Variants in SCP2 observed in about 807,000 individuals in gnomAD.
SCP2 encodes the protein sterol carrier protein 2, also known as SCP-2/3-oxoacyl-CoA thiolase.
SCP2 carries 48 observed loss-of-function variants against 71.4 expected under a neutral mutation model. That is an observed-to-expected ratio of 0.67 (90% CI 0.53 to 0.86). The LOEUF is 0.86. Ranked by LOEUF, SCP2 falls within the 40% of genes least tolerant of loss-of-function variation. The probability of loss-of-function intolerance (pLI) is 0.00; values close to 1 mark genes in which losing one functional copy is unlikely to be tolerated. For synonymous variants in SCP2, 220 were observed against 218.1 expected, an observed-to-expected ratio of 1.01 and a Z score of -0.08; for missense variants, 560 against 655.6, an observed-to-expected ratio of 0.85 and a Z score of 1.59.
intron 13 of SCP2, among the ~76,000 whole-genome samples, chr1:53,037,965 A>AT (rs1242839823): frequency 1.2e-5 from 1 of 82,420 alleles, no homozygotes; most frequent in African/African-American, 1.3e-4. Flanking sequence ...ACACACACAC[A>AT]CACACACACA....
At chr1:52,994,817 AC>A in intron 11 of SCP2, 1 of 523,168 alleles carries the variant, frequency 1.9e-6, no homozygotes, top group South Asian at 1.6e-5. Flanking sequence ...CGTGAAATCG[AC>A]CCCACCAGCA....
In SCP2 at chr1:53,037,911, C is replaced by CAGATCCAGATCCTGTCTCTAT. The variant is rs1557627629; in HGVS notation, c.1339-1005_1339-1004insGATCCAGATCCTGTCTCTATA. Among the ~76,000 whole-genome samples, 67 of 127,144 alleles carry CAGATCCAGATCCTGTCTCTAT rather than the reference C, an allele frequency of 5.3e-4. No individual in the cohort carries two copies. The East Asian group carries it at 8.4e-3, about 16-fold the overall frequency. 83.4% of individuals were successfully genotyped at this position (127,144 alleles called of 152,430 possible). A position where few individuals can be genotyped will look rare whatever the true frequency, so the allele number is the denominator to read the frequency against. ...ACACACACACACACACACACACACA[C>CAGATCCAGATCCTGTCTCTAT]ACACACACACACACACACAGATCCA... On this transcript the variant is annotated intron_variant, in intron 13 of 15. Coordinates refer to ENST00000371514, the MANE Select transcript of SCP2 (RefSeq NM_002979.5).
intron 4 of SCP2, among the ~76,000 whole-genome samples, chr1:52,951,424 G>A (rs1291253384): frequency 1.4e-3 from 219 of 151,520 alleles, no homozygotes; most frequent in Middle Eastern, 3.4e-3. Flanking sequence ...AACGTAGTTA[G>A]AACCTGTGTT....
At chr1:52,983,061 C>G (rs1658674538) in intron 10 of SCP2, among the ~76,000 whole-genome samples, 1 of 152,158 alleles carries the variant, frequency 6.6e-6, no homozygotes, top group Admixed American at 6.5e-5. Flanking sequence ...TTTCCTTCAA[C>G]TGAAAATGTC....
At chr1:53,022,014 C>A (rs1661784582) in intron 12 of SCP2, among the ~76,000 whole-genome samples, 1 of 152,176 alleles carries the variant, frequency 6.6e-6, no homozygotes, top group Non-Finnish European at 1.5e-5. Flanking sequence ...CCACAATTCA[C>A]GCATTTTAAG....
chr1:52,976,423 A>G (rs757048751), intron 7 of SCP2, among the ~76,000 whole-genome samples: 4 of 152,206 alleles, frequency 2.6e-5, no homozygotes, highest in Non-Finnish European at 5.9e-5. Context: ...AGACACTTCT[A>G]TCATTCAGGA....
intron 1 of SCP2, among the ~76,000 whole-genome samples, chr1:52,932,257 T>A (rs752395655): frequency 6.6e-6 from 1 of 152,144 alleles, no homozygotes; most frequent in Non-Finnish European, 1.5e-5. Context: ...AGGCACATTA[T>A]CCTGAAATAT....
At chr1:52,978,095 G>T (rs1658143159) in intron 8 of SCP2, 122 bp from the exon 9 acceptor site, 2 of 855,088 alleles carry the variant, frequency 2.3e-6, no homozygotes, top group African/African-American at 1.7e-5. Context: ...ATATCACAAA[G>T]AAGACAATCC....
intron 15 of SCP2, chr1:53,049,966 C>G (rs1164204051): frequency 6.6e-6 from 1 of 152,192 alleles, no homozygotes; most frequent in Non-Finnish European, 1.5e-5. Flanking sequence ...ATGCTACGTT[C>G]CCAATTTTGC....
chr1:52,934,185 CGAAT>C (rs1171268550), intron 1 of SCP2, among the ~76,000 whole-genome samples: 8 of 152,208 alleles, frequency 5.3e-5, no homozygotes. Context: ...TTCTCAAAAA[CGAAT>C]GAAGTCAGCA....
intron 1 of SCP2, among the ~76,000 whole-genome samples, chr1:52,929,343 T>C (rs1446965877): frequency 2.0e-5 from 3 of 152,134 alleles, no homozygotes; most frequent in Middle Eastern, 3.4e-3. Flanking sequence ...CTACCATACC[T>C]GGCTAATTAA....
At chr1:52,979,164 T>C (rs11206056) in intron 9 of SCP2, among the ~76,000 whole-genome samples, 56,350 of 151,846 alleles carry the variant, frequency 0.37, 11,306 homozygotes, top group East Asian at 0.73. Flanking sequence ...TATACCACAG[T>C]TTTATTTCTT....
chr1:53,013,102 C>G (rs115958202), intron 11 of SCP2, among the ~76,000 whole-genome samples: 2,300 of 143,562 alleles, frequency 0.016, 65 homozygotes, highest in African/African-American at 0.057. Flanking sequence ...AGTTGTGGAG[C>G]TACCTTTTTT....
In SCP2 at chr1:52,976,678, T is replaced by A; in HGVS notation, c.588-5T>A. 2 of 1,449,166 alleles carry A rather than the reference T, an allele frequency of 1.4e-6. No homozygotes were observed. Among genetic ancestry groups the A allele is most frequent in the Non-Finnish European group, 1.9e-6 (2 of 1,030,664 alleles). The allele number at this position is 1,449,166 out of a possible 1,614,324, so 89.8% of individuals were successfully genotyped here. ...TTCTGTAACTAATATTTATTTTGTA[T>A]TTAGGTATTCCCAGTTCCAAGATGA... On this transcript the variant is annotated splice_polypyrimidine_tract_variant and splice_region_variant and intron_variant, in intron 7 of 15. Coordinates refer to ENST00000371514, the MANE Select transcript of SCP2 (RefSeq NM_002979.5).
Position 53,027,962 on chromosome 1 carries a change from T to C in SCP2, c.1236-7T>C. 6.6e-7 allele frequency: 1 copy of C among 1,522,126 alleles called. No individual in the cohort carries two copies. Among genetic ancestry groups the C allele is most frequent in the East Asian group, 2.3e-5 (1 of 44,402 alleles). 94.3% of individuals were successfully genotyped at this position (1,522,126 alleles called of 1,614,324 possible). On this transcript the variant is annotated splice_polypyrimidine_tract_variant and splice_region_variant and intron_variant, in intron 12 of 15. Coordinates refer to ENST00000371514, the MANE Select transcript of SCP2 (RefSeq NM_002979.5). ...CTCCATGAATTGAAACAGTTTCTTT[T>C]CCCCAGTTCTTTTAGAACTCATCAA...
At chr1:52,955,021 C>T (rs1375019859) in intron 5 of SCP2, among the ~76,000 whole-genome samples, 2 of 151,972 alleles carry the variant, frequency 1.3e-5, no homozygotes, top group Non-Finnish European at 2.9e-5. Context: ...AATTTAAAAG[C>T]CATTCATTTA....
chr1:53,015,041 C>T lies in SCP2; in HGVS notation c.1233C>T (p.Ala411=), dbSNP rs1226607513. 6.2e-7 allele frequency: 1 copy of T among 1,613,882 alleles called. No homozygotes were observed. Among genetic ancestry groups the T allele is most frequent in the African/African-American group, 1.3e-5 (1 of 74,918 alleles). Residue 411 remains alanine (A), a splice_region_variant and synonymous_variant, in exon 12 of 16, where the codon GCC becomes GCT. Transcript: ENST00000371514. The part of the protein sequence containing the change: ...TLYKMGFPEA[A]SSFRTHQIEA... ...ACAAGATGGGTTTTCCGGAAGCCGC[C>T]AGGTGAGTGACATTCAGAGTTTTGT...
chr1:52,942,982 G>A lies in SCP2; in HGVS notation c.127+1129G>A, dbSNP rs371329130. On this transcript the variant is annotated intron_variant, in intron 2 of 15. Transcript: ENST00000371514. Reference sequence around the variant, plus strand: ...CTCCCAGAGTGCTGGGATTACAGGTGTGAGCCACTGCGCCCAGCCTAACGG... The same window carrying A: ...CTCCCAGAGTGCTGGGATTACAGGTATGAGCCACTGCGCCCAGCCTAACGG... Among the ~76,000 whole-genome samples the A allele has an allele frequency of 1.2e-4, 19 of 152,186 alleles. No individual in the cohort carries two copies. The South Asian group carries it at 3.9e-3, about 32-fold the overall frequency.
chr1:52,935,596 A>AG (rs895545892), intron 1 of SCP2, among the ~76,000 whole-genome samples: 5 of 150,818 alleles, frequency 3.3e-5, no homozygotes, highest in East Asian at 1.9e-4. Context: ...TCAAAAAAAA[A>AG]AAAAAAGAAA....
Sources: allele counts gnomAD v4.1 joint callset (sites outside exome capture counted in the v4.1 genomes callset), GRCh38; gene constraint gnomAD v4.1.1; transcripts MANE v1.5; gene names NCBI Gene and HGNC (gene_info 2026-07-23, HGNC 2026-07-21).